Variants in TDRD3 observed in about 807,000 individuals in gnomAD.
The protein encoded by TDRD3 is tudor domain-containing protein 3.
Under a neutral mutation model 86.7 loss-of-function variants are expected in TDRD3, and 45 were observed. The ratio of observed to expected loss-of-function variants is 0.52; its 90% CI spans 0.41 to 0.67. The LOEUF (loss-of-function observed/expected upper bound fraction) is 0.67, where lower values mean the gene tolerates loss of function less well. Among genes scored for constraint, TDRD3 ranks in the 30% least tolerant of loss-of-function variants. The probability of loss-of-function intolerance (pLI) is 0.00; values close to 1 mark genes in which losing one functional copy is unlikely to be tolerated. For synonymous variants in TDRD3, 298 were observed against 301.7 expected (o/e 0.99, Z 0.13); for missense variants, 814 against 889.0 (o/e 0.92, Z 1.07).
chr13:60,554,582 T>A (rs1958145126), intron 12 of TDRD3, among the ~76,000 whole-genome samples: 1 of 152,156 alleles, frequency 6.6e-6, no homozygotes, highest in South Asian at 2.1e-4. Context: ...AACTTAGAAT[T>A]TTTAAAAAGT....
intron 1 of TDRD3, among the ~76,000 whole-genome samples, chr13:60,407,892 C>T (rs1184137058): frequency 6.6e-6 from 1 of 152,190 alleles, no homozygotes; most frequent in Non-Finnish European, 1.5e-5. Flanking sequence ...GTGGGAGGGA[C>T]CCAGCGGGAG....
chr13:60,478,961 G>A (rs903647849), intron 5 of TDRD3, among the ~76,000 whole-genome samples: 1 of 151,642 alleles, frequency 6.6e-6, no homozygotes, highest in Non-Finnish European at 1.5e-5. Context: ...ACACCACCAT[G>A]CCTAGCTGAT....
At chr13:60,471,062 T>C (rs1026220388) in intron 5 of TDRD3, among the ~76,000 whole-genome samples, 2 of 152,204 alleles carry the variant, frequency 1.3e-5, no homozygotes, top group Admixed American at 6.5e-5. Context: ...ATTCTAGATA[T>C]CAATTCCTAC....
rs115933790 is a variant in TDRD3, at chr13:60,529,739, G to A, written c.1992+522G>A. 6.9e-3 allele frequency among the ~76,000 whole-genome samples: 1,045 copies of A among 151,912 alleles called. 12 individuals carry two copies. Among genetic ancestry groups the A allele is most frequent in the African/African-American group, 0.023 (971 of 41,456 alleles). On this transcript the variant is annotated intron_variant, in intron 11 of 13. Transcript: ENST00000377881. The stretch of plus-strand genomic sequence containing the variant: ...GCTTCTCGGCCTTTTGGCTAAGATC[G>A]AGTGTAAAAATTATTAAACCAATTT...
chr13:60,451,500 G>T (rs1051878065), intron 3 of TDRD3, among the ~76,000 whole-genome samples: 1 of 152,112 alleles, frequency 6.6e-6, no homozygotes, highest in African/African-American at 2.4e-5. Context: ...TCCAGTTGAC[G>T]GTTGTGGTTG....
chr13:60,397,628 G>A (rs1953963184), intron 1 of TDRD3, among the ~76,000 whole-genome samples: 1 of 93,564 alleles, frequency 1.1e-5, no homozygotes, highest in Non-Finnish European at 2.8e-5. Flanking sequence ...CCTGGGCCCC[G>A]GGCGGCGGGC....
At chr13:60,517,576 C>T (rs976474554) in intron 10 of TDRD3, among the ~76,000 whole-genome samples, 1 of 152,146 alleles carries the variant, frequency 6.6e-6, no homozygotes, top group African/African-American at 2.4e-5. Context: ...GCTATCTACC[C>T]ACAGCCTATC....
In TDRD3 at chr13:60,402,772, G is replaced by A. The variant is rs542574564; in HGVS notation, c.41+5367G>A. 4.4e-5 allele frequency among the ~76,000 whole-genome samples: 6 copies of A among 136,862 alleles called. 1 individual carries two copies. The highest frequency in any genetic ancestry group is 1.1e-4 in the African/African-American group (4 of 35,574). The allele number at this position is 136,862 out of a possible 152,430, so 89.8% of individuals were successfully genotyped here. A position where few individuals can be genotyped will look rare whatever the true frequency, so the allele number is the denominator to read the frequency against. ...GAGTGCAATGGCGCGATCTTGGTTC[G>A]TCGCAACCTCCACCTCCCAGGTTCT... is the stretch of plus-strand genomic sequence containing the variant. On this transcript the variant is annotated intron_variant, in intron 1 of 13. Transcript: ENST00000377881.
intron 12 of TDRD3, among the ~76,000 whole-genome samples, chr13:60,565,182 A>C (rs1231293838): frequency 6.7e-6 from 1 of 149,788 alleles, no homozygotes; most frequent in Non-Finnish European, 1.5e-5. Flanking sequence ...CAGTCTCCCG[A>C]GTAGCTGGGA....
At chr13:60,402,629 A>G (rs1954130185) in intron 1 of TDRD3, among the ~76,000 whole-genome samples, 1 of 151,816 alleles carries the variant, frequency 6.6e-6, no homozygotes, top group Non-Finnish European at 1.5e-5. Context: ...ACTCTTTTGG[A>G]AAGGATTCGA....
In TDRD3 at chr13:60,436,439, C is replaced by T. The variant is rs9563815; in HGVS notation, c.42-3249C>T. Among the ~76,000 whole-genome samples, 300 of 152,124 alleles carry T rather than the reference C, an allele frequency of 2.0e-3. 10 individuals are homozygous for T. In the East Asian group the frequency reaches 0.042, roughly 21 times the overall value. Reference sequence around the variant, plus strand: ...TTTAAATCTTTGATCCATCTTGAGTCGATTTTTGTATAAGGTGAGAGACGG... The same window carrying T: ...TTTAAATCTTTGATCCATCTTGAGTTGATTTTTGTATAAGGTGAGAGACGG... On this transcript the variant is annotated intron_variant, in intron 1 of 13. Transcript: ENST00000377881.
intron 1 of TDRD3, among the ~76,000 whole-genome samples, chr13:60,427,163 C>T (rs886261335): frequency 6.6e-6 from 1 of 151,850 alleles, no homozygotes; most frequent in East Asian, 1.9e-4. Flanking sequence ...ACTTTTTTTT[C>T]TTAAGAGCAA....
chr13:60,422,150 G>A (rs778864982), intron 1 of TDRD3, among the ~76,000 whole-genome samples: 10 of 152,218 alleles, frequency 6.6e-5, no homozygotes, highest in Middle Eastern at 3.4e-3. Context: ...AGCTTCTGGG[G>A]GAGAAAGAAA....
intron 5 of TDRD3, among the ~76,000 whole-genome samples, chr13:60,472,678 A>T (rs534803615): frequency 6.6e-6 from 1 of 152,352 alleles, no homozygotes; most frequent in Non-Finnish European, 1.5e-5. Context: ...TAAACCCAAA[A>T]GAATGGAAAA....
intron 3 of TDRD3, among the ~76,000 whole-genome samples, chr13:60,458,684 TCTAA>T (rs1179512779): frequency 1.9e-4 from 29 of 152,210 alleles, no homozygotes; most frequent in African/African-American, 6.8e-4. Flanking sequence ...ATGAAAGTGG[TCTAA>T]CTCTGTGCTC....
At chr13:60,414,532 A>G (rs1455958852) in intron 1 of TDRD3, among the ~76,000 whole-genome samples, 1 of 152,186 alleles carries the variant, frequency 6.6e-6, no homozygotes, top group East Asian at 1.9e-4. Context: ...TTACTTAGAA[A>G]AAACTGAAGT....
chr13:60,431,165 A>G (rs1258202135), intron 1 of TDRD3, among the ~76,000 whole-genome samples: 3 of 151,996 alleles, frequency 2.0e-5, no homozygotes, highest in Non-Finnish European at 4.4e-5. Context: ...ATAGTAGTCT[A>G]TTTTATTTTC....
chr13:60,461,385 G>T (rs1181038933), intron 4 of TDRD3, among the ~76,000 whole-genome samples: 1 of 152,112 alleles, frequency 6.6e-6, no homozygotes. Flanking sequence ...ATGCCCAATG[G>T]AATGGACGAA....
rs199748576 is a variant in TDRD3, at chr13:60,430,779, G to A, written c.42-8909G>A. Among the ~76,000 whole-genome samples the A allele has an allele frequency of 2.6e-5, 4 of 151,924 alleles. No homozygotes were observed. In the East Asian group the frequency reaches 5.8e-4, roughly 22 times the overall value. ...AGCATTCTAGGGTGAATGCCTTCAT[G>A]GATTGGTTTATGTATGGGGAAAATA... On this transcript the variant is annotated intron_variant, in intron 1 of 13. Transcript: ENST00000377881.
Sources: gnomAD v4.1 joint callset for allele counts (sites outside exome capture counted in the v4.1 genomes callset) on GRCh38, gnomAD v4.1.1 for gene constraint, MANE v1.5 for transcripts, NCBI Gene and HGNC (gene_info 2026-07-23, HGNC 2026-07-21) for gene names.